Variants in CD38 observed in about 807,000 individuals in gnomAD.
CD38 encodes CD38 molecule, also known as ADP-ribosyl cyclase/cyclic ADP-ribose hydrolase 1.
CD38 carries 31 observed loss-of-function variants against 36.3 expected under a neutral mutation model. That is an observed-to-expected ratio of 0.85 (90% CI 0.64 to 1.15). CD38 has a LOEUF of 1.15. CD38 is among the 50% of genes most tolerant of loss of function. The pLI is 0.00. For synonymous variants in CD38, 131 were observed against 135.2 expected, an observed-to-expected ratio of 0.97 and a Z score of 0.22; for missense variants, 380 against 371.9, an observed-to-expected ratio of 1.02 and a Z score of -0.18.
At chr4:15,806,488 G>A (rs1022078751) in intron 1 of CD38, among the ~76,000 whole-genome samples, 4 of 152,164 alleles carry the variant, frequency 2.6e-5, no homozygotes, top group South Asian at 2.1e-4. Flanking sequence ...CTAATACCCC[G>A]CCCATGGACT....
intron 1 of CD38, among the ~76,000 whole-genome samples, chr4:15,803,502 C>T (rs1723273555): frequency 6.6e-6 from 1 of 152,018 alleles, no homozygotes; most frequent in East Asian, 1.9e-4. Flanking sequence ...CATAAAATGG[C>T]CACTAAGTAT....
intron 3 of CD38, among the ~76,000 whole-genome samples, chr4:15,833,975 A>G (rs777525778): frequency 6.6e-6 from 1 of 152,256 alleles, no homozygotes; most frequent in Non-Finnish European, 1.5e-5. Context: ...AGCATTTCCC[A>G]GAACCATGAC....
At chr4:15,829,414 T>A (rs1270283019) in intron 3 of CD38, among the ~76,000 whole-genome samples, 1 of 152,162 alleles carries the variant, frequency 6.6e-6, no homozygotes, top group Non-Finnish European at 1.5e-5. Flanking sequence ...GGTGTCCAAT[T>A]TTTTGGCTTC....
At chr4:15,810,775 A>G (rs915792853) in intron 1 of CD38, among the ~76,000 whole-genome samples, 3 of 152,344 alleles carry the variant, frequency 2.0e-5, no homozygotes, top group Non-Finnish European at 4.4e-5. Flanking sequence ...GTATAACCCA[A>G]TGATTCTCAA....
intron 1 of CD38, among the ~76,000 whole-genome samples, chr4:15,792,492 C>T (rs1044092229): frequency 4.0e-5 from 6 of 150,020 alleles, no homozygotes; most frequent in African/African-American, 1.5e-4. Context: ...AGCAGCAAGC[C>T]AGCCAGTGTG....
At chr4:15,781,103 C>A (rs2089139344) in intron 1 of CD38, among the ~76,000 whole-genome samples, 1 of 152,086 alleles carries the variant, frequency 6.6e-6, no homozygotes, top group African/African-American at 2.4e-5. Flanking sequence ...CAAAACCAAA[C>A]CAAACCAAAC....
intron 1 of CD38, among the ~76,000 whole-genome samples, chr4:15,780,979 G>A (rs1398479323): frequency 3.9e-5 from 6 of 152,202 alleles, no homozygotes; most frequent in Non-Finnish European, 5.9e-5. Context: ...GTTGTGGCGC[G>A]TGCCTGTAAT....
chr4:15,832,892 T>A (rs1348170157), intron 3 of CD38, among the ~76,000 whole-genome samples: 2 of 152,116 alleles, frequency 1.3e-5, no homozygotes, highest in Non-Finnish European at 2.9e-5. Context: ...ACCTTAGAAG[T>A]CTACCTAGTA....
At position 15,779,568 on chromosome 4, in the gene CD38, A is replaced by C. The variant is rs1449539082; in HGVS notation, c.233+921A>C. On this transcript the variant is annotated intron_variant, in intron 1 of 7. Transcript: ENST00000226279. The stretch of plus-strand genomic sequence containing the variant: ...GATAGCAAAATCCCGCATTTAAGCA[A>C]TCCGAGGAAACGAGCAAATAGACCT... 2.6e-5 allele frequency among the ~76,000 whole-genome samples: 4 copies of C among 152,176 alleles called. No homozygotes were observed. In the East Asian group the frequency reaches 7.7e-4, roughly 29 times the overall value.
At chr4:15,805,633 C>G (rs1179727237) in intron 1 of CD38, among the ~76,000 whole-genome samples, 1 of 152,218 alleles carries the variant, frequency 6.6e-6, no homozygotes, top group Non-Finnish European at 1.5e-5. Context: ...TAAGTGCTCA[C>G]AAGTGTTTCT....
At chr4:15,833,695 C>G (rs543480541) in intron 3 of CD38, among the ~76,000 whole-genome samples, 35 of 152,304 alleles carry the variant, frequency 2.3e-4, no homozygotes, top group African/African-American at 8.4e-4. Context: ...AGAAGTGACA[C>G]AGAAACTATG....
At chr4:15,839,547 C>G (rs1311368690) in intron 5 of CD38, among the ~76,000 whole-genome samples, 1 of 151,054 alleles carries the variant, frequency 6.6e-6, no homozygotes, top group East Asian at 1.9e-4. Context: ...CCTCAGCCTC[C>G]TGAATAACTG....
rs1724412736 is a variant in CD38, at chr4:15,852,643, C to T, written c.*4041C>T. ...TTTGAATAACAGAGCAATTAATTTA[C>T]TTTTACTATGAAGAGTCATCATTTT... On this transcript the variant is annotated 3_prime_UTR_variant, in exon 8 of 8. Coordinates refer to ENST00000226279, the MANE Select transcript of CD38 (RefSeq NM_001775.4). 6.6e-6 allele frequency: 1 copy of T among 152,018 alleles called. No individual in the cohort carries two copies. Among genetic ancestry groups the T allele is most frequent in the Admixed American group, 6.6e-5 (1 of 15,258 alleles). 9.4% of individuals were successfully genotyped at this position (152,018 alleles called of 1,614,324 possible).
rs1199947568 is a variant in CD38 at position 15,851,831 on chromosome 4, A to G, written c.*3229A>G. The G allele has an allele frequency of 2.0e-5, 3 of 152,230 alleles. No individual in the cohort carries two copies. Among genetic ancestry groups the G allele is most frequent in the Admixed American group, 6.5e-5 (1 of 15,278 alleles). 9.4% of individuals were successfully genotyped at this position (152,230 alleles called of 1,614,324 possible). A position where few individuals can be genotyped will look rare whatever the true frequency, so the allele number is the denominator to read the frequency against. ...GTACTTACACTAACCTAGATGGTCT[A>G]ACCTACTACACACCCAGGCTACATG... On this transcript the variant is annotated 3_prime_UTR_variant, in exon 8 of 8. Transcript: ENST00000226279.
chr4:15,813,895 G>T (rs992625021), intron 1 of CD38, among the ~76,000 whole-genome samples: 1 of 152,138 alleles, frequency 6.6e-6, no homozygotes, highest in African/African-American at 2.4e-5. Context: ...TGTAAATAGT[G>T]CTCCAATAAA....
At chr4:15,820,147 G>A (rs1723700648) in intron 2 of CD38, among the ~76,000 whole-genome samples, 1 of 152,148 alleles carries the variant, frequency 6.6e-6, no homozygotes, top group Non-Finnish European at 1.5e-5. Context: ...CAAATGCTAA[G>A]GGAATTCGTC....
intron 1 of CD38, among the ~76,000 whole-genome samples, chr4:15,793,140 T>C (rs1356571154): frequency 6.6e-6 from 1 of 152,122 alleles, no homozygotes; most frequent in Admixed American, 6.5e-5. Flanking sequence ...ACACCCCCTC[T>C]TTCTGAAACG....
intron 1 of CD38, among the ~76,000 whole-genome samples, chr4:15,792,508 A>C (rs1197232597): frequency 6.6e-6 from 1 of 151,884 alleles, no homozygotes; most frequent in Non-Finnish European, 1.5e-5. Context: ...GTGTGTTTGG[A>C]ATGTTCTCTT....
At chr4:15,809,369 G>A (rs1168998778) in intron 1 of CD38, among the ~76,000 whole-genome samples, 2 of 152,140 alleles carry the variant, frequency 1.3e-5, no homozygotes. Context: ...GTGTGACCTC[G>A]GGCTAGTCAC....
Sources: gnomAD v4.1 joint callset for allele counts (sites outside exome capture counted in the v4.1 genomes callset) on GRCh38, gnomAD v4.1.1 for gene constraint, MANE v1.5 for transcripts, NCBI Gene and HGNC (gene_info 2026-07-23, HGNC 2026-07-21) for gene names.